Variants in NKAIN3 observed in about 807,000 individuals in gnomAD.
NKAIN3 encodes sodium/potassium-transporting ATPase subunit beta-1-interacting protein 3.
A neutral mutation model predicts 30.2 loss-of-function variants in NKAIN3; 25 were observed. That is an observed-to-expected ratio of 0.83 (90% confidence interval 0.60 to 1.16). The LOEUF (loss-of-function observed/expected upper bound fraction) is 1.16. NKAIN3 is among the 50% of genes most tolerant of loss of function. NKAIN3 has a pLI of 0.00. For synonymous variants in NKAIN3, 91 were observed against 89.6 expected, an observed-to-expected ratio of 1.02 and a Z score of -0.09; for missense variants, 225 against 254.1, an observed-to-expected ratio of 0.89 and a Z score of 0.78.
chr8:62,704,622 A>G (rs1814459669), intron 3 of NKAIN3, among the ~76,000 whole-genome samples: 1 of 152,202 alleles, frequency 6.6e-6, no homozygotes, highest in Non-Finnish European at 1.5e-5. Context: ...GTAAGATGAC[A>G]GATTTGGCTT....
At chr8:62,325,176 T>C (rs969630769) in intron 1 of NKAIN3, among the ~76,000 whole-genome samples, 7 of 152,216 alleles carry the variant, frequency 4.6e-5, no homozygotes, top group South Asian at 2.1e-4. Flanking sequence ...TATATCATTC[T>C]TATGCCTTTG....
chr8:62,565,599 A>C (rs1431702947), intron 1 of NKAIN3, among the ~76,000 whole-genome samples: 2 of 152,168 alleles, frequency 1.3e-5, no homozygotes, highest in Non-Finnish European at 2.9e-5. Context: ...AATATCTCCT[A>C]CTACATAATG....
Position 62,393,969 on chromosome 8 carries a change from C to G in NKAIN3, c.54+144842C>G, listed in dbSNP as rs371856425. Reference sequence around the variant, plus strand: ...CTTGAGAATGTGTTAGACTCATTAGCTTTAGGAAGCTTTATATTAGGTTCT... The same window carrying G: ...CTTGAGAATGTGTTAGACTCATTAGGTTTAGGAAGCTTTATATTAGGTTCT... On this transcript the variant is annotated intron_variant, in intron 1 of 6. Transcript: ENST00000623646. Among the ~76,000 whole-genome samples, 106 of 152,154 alleles carry G rather than the reference C, an allele frequency of 7.0e-4. 1 individual carries two copies. The South Asian group carries it at 0.02, about 28-fold the overall frequency.
rs1823773512 is a variant in NKAIN3, at chr8:62,968,860, TTCAAAGCCA to T, written c.*3459_*3467del. On this transcript the variant is annotated 3_prime_UTR_variant, in exon 7 of 7. Coordinates refer to ENST00000623646, the MANE Select transcript of NKAIN3 (RefSeq NM_001304533.3). ...TCTTTATTTGAGCTTCTGGTCATGT[TTCAAAGCCA>T]TCAAAATCTAAGCAAGGGAGTTACA... 1.3e-5 allele frequency among the ~76,000 whole-genome samples: 2 copies of T among 152,136 alleles called. No individual in the cohort carries two copies. Among genetic ancestry groups the T allele is most frequent in the Non-Finnish European group, 2.9e-5 (2 of 68,004 alleles).
chr8:62,591,946 T>C (rs1034547261), intron 3 of NKAIN3, among the ~76,000 whole-genome samples: 1 of 152,032 alleles, frequency 6.6e-6, no homozygotes, highest in African/African-American at 2.4e-5. Context: ...ATGAGTTGGT[T>C]TATATACTAA....
intron 1 of NKAIN3, among the ~76,000 whole-genome samples, chr8:62,489,329 A>G (rs563696659): frequency 6.6e-6 from 1 of 152,238 alleles, no homozygotes; most frequent in East Asian, 1.9e-4. Flanking sequence ...CCAGCTGTCT[A>G]AGTCTTAAAG....
chr8:62,645,869 G>T (rs1013001637), intron 3 of NKAIN3, among the ~76,000 whole-genome samples: 1 of 152,024 alleles, frequency 6.6e-6, no homozygotes, highest in African/African-American at 2.4e-5. Context: ...ATTTTCAATT[G>T]CTTAGCTCAC....
intron 1 of NKAIN3, among the ~76,000 whole-genome samples, chr8:62,322,373 C>T (rs1478909627): frequency 6.6e-6 from 1 of 152,146 alleles, no homozygotes; most frequent in Non-Finnish European, 1.5e-5. Flanking sequence ...GAGATGAACC[C>T]AGTACCTCAG....
intron 5 of NKAIN3, among the ~76,000 whole-genome samples, chr8:62,948,284 C>T (rs1823183263): frequency 6.6e-6 from 1 of 151,938 alleles, no homozygotes; most frequent in East Asian, 1.9e-4. Context: ...ACTGCAACCT[C>T]CTCCTCGAGG....
At chr8:62,709,015 G>A (rs1814630405) in intron 3 of NKAIN3, among the ~76,000 whole-genome samples, 1 of 152,140 alleles carries the variant, frequency 6.6e-6, no homozygotes, top group Non-Finnish European at 1.5e-5. Flanking sequence ...TTTACATGGT[G>A]TATCCTGTTT....
chr8:62,327,238 TG>T (rs1390032408), intron 1 of NKAIN3, among the ~76,000 whole-genome samples: 1 of 152,088 alleles, frequency 6.6e-6, no homozygotes, highest in Non-Finnish European at 1.5e-5. Context: ...ATATATGATT[TG>T]TAAATACTTT....
At chr8:62,624,517 G>T (rs1416391984) in intron 3 of NKAIN3, among the ~76,000 whole-genome samples, 2 of 146,280 alleles carry the variant, frequency 1.4e-5, no homozygotes, top group African/African-American at 5.0e-5. Context: ...CTTTATTTAG[G>T]TTTTTTTTTT....
chr8:62,991,971 C>T (rs975145512), intron 5 of NKAIN3, among the ~76,000 whole-genome samples: 1 of 151,928 alleles, frequency 6.6e-6, no homozygotes, highest in African/African-American at 2.4e-5. Context: ...GGGGCCCATA[C>T]CCAGCACTGC....
intron 4 of NKAIN3, among the ~76,000 whole-genome samples, chr8:62,772,663 C>CTTT (rs34456138): frequency 5.1e-5 from 7 of 137,298 alleles, no homozygotes; most frequent in African/African-American, 1.1e-4. Flanking sequence ...CTTTTGCCTA[C>CTTT]TTTTTTTTTT....
In NKAIN3 at chr8:62,670,919, ACG is replaced by A. The variant is rs1491435319; in HGVS notation, c.274-76012_274-76011del. Among the ~76,000 whole-genome samples, 6 of 149,850 alleles carry A rather than the reference ACG, an allele frequency of 4.0e-5. No individual in the cohort carries two copies. The East Asian group carries it at 1.2e-3, about 30-fold the overall frequency. On this transcript the variant is annotated intron_variant, in intron 3 of 6. Transcript: ENST00000623646. ...CACACACACACACACACACACACAC[ACG>A]TATACACAGGCAAAACCCAGTGAGG...
At chr8:62,824,644 G>A (rs981351587) in intron 4 of NKAIN3, among the ~76,000 whole-genome samples, 9 of 152,098 alleles carry the variant, frequency 5.9e-5, no homozygotes, top group Non-Finnish European at 1.0e-4. Flanking sequence ...AGAAACATGA[G>A]CCTAACATAT....
At chr8:62,386,629 G>A (rs934890810) in intron 1 of NKAIN3, among the ~76,000 whole-genome samples, 3 of 152,018 alleles carry the variant, frequency 2.0e-5, no homozygotes, top group Admixed American at 6.6e-5. Flanking sequence ...AACCTAATAA[G>A]GTTATTAGGG....
intron 4 of NKAIN3, among the ~76,000 whole-genome samples, chr8:62,868,928 C>T (rs1820505249): frequency 6.6e-6 from 1 of 151,676 alleles, no homozygotes; most frequent in African/African-American, 2.4e-5. Context: ...ACAGCAGAGA[C>T]AGGAGAGAAG....
chr8:62,536,640 G>A (rs1478705390), intron 1 of NKAIN3, among the ~76,000 whole-genome samples: 2 of 151,842 alleles, frequency 1.3e-5, no homozygotes, highest in African/African-American at 2.4e-5. Context: ...AGACCATGAG[G>A]CTGTCTCTGG....
Sources: allele counts gnomAD v4.1 joint callset (sites outside exome capture counted in the v4.1 genomes callset), GRCh38; gene constraint gnomAD v4.1.1; transcripts MANE v1.5; gene names NCBI Gene and HGNC (gene_info 2026-07-23, HGNC 2026-07-21).